Variants in TTBK2 observed in about 807,000 individuals in gnomAD.
TTBK2 encodes the protein tau tubulin kinase 2, also known as tau-tubulin kinase 2.
TTBK2 carries 28 observed loss-of-function variants against 110.8 expected under a neutral mutation model. The ratio of observed to expected loss-of-function variants is 0.25; its 90% confidence interval spans 0.19 to 0.35. The LOEUF (loss-of-function observed/expected upper bound fraction) is 0.35, where lower values mean the gene tolerates loss of function less well. TTBK2 is among the 10% of genes least tolerant of loss of function. The pLI is 1.00. For synonymous variants in TTBK2, 532 were observed against 527.3 expected, an observed-to-expected ratio of 1.01 and a Z score of -0.12; for missense variants, 1,369 against 1,500.3, an observed-to-expected ratio of 0.91 and a Z score of 1.45.
intron 9 of TTBK2, chr15:42,802,103 A>C (rs1567032790): frequency 1.6e-5 from 23 of 1,457,650 alleles, no homozygotes; most frequent in Non-Finnish European, 2.0e-5. Flanking sequence ...TCTATGAAGG[A>C]GAAAAACTTG....
At chr15:42,873,125 T>C in intron 2 of TTBK2, among the ~76,000 whole-genome samples, 1 of 152,128 alleles carries the variant, frequency 6.6e-6, no homozygotes. Flanking sequence ...GAAGACTTTT[T>C]AAACTTTTTA....
rs1370635155 is a variant in TTBK2 at position 42,763,121 on chromosome 15, C to CGTAT, written c.1999-9875_1999-9874insATAC. Among the ~76,000 whole-genome samples, 69 of 86,288 alleles carry CGTAT rather than the reference C, an allele frequency of 8.0e-4. 1 individual carries two copies. The highest frequency in any genetic ancestry group is 4.1e-3 in the African/African-American group (66 of 16,116). The allele number at this position is 86,288 out of a possible 152,430, so 56.6% of individuals were successfully genotyped here. On this transcript the variant is annotated intron_variant, in intron 13 of 14. Coordinates refer to ENST00000267890, the MANE Select transcript of TTBK2 (RefSeq NM_173500.4). ...ATATATACGTATATATATATATACACATATATATACATATATACATACATA... is the reference window on the plus strand; with the variant it reads ...ATATATACGTATATATATATATACACGTATATATATATACATATATACATACATA...
At chr15:42,790,137 G>C in intron 10 of TTBK2, among the ~76,000 whole-genome samples, 1 of 152,088 alleles carries the variant, frequency 6.6e-6, no homozygotes, top group East Asian at 1.9e-4. Flanking sequence ...AACTAAAAAT[G>C]TATAAAAGAC....
chr15:42,904,231 T>C (rs1331585679), intron 1 of TTBK2, among the ~76,000 whole-genome samples: 2 of 152,234 alleles, frequency 1.3e-5, no homozygotes, highest in African/African-American at 2.4e-5. Context: ...TAATTTGTTA[T>C]GCAGCAATAG....
intron 3 of TTBK2, among the ~76,000 whole-genome samples, chr15:42,863,920 C>G (rs997368016): frequency 6.6e-6 from 1 of 152,136 alleles, no homozygotes; most frequent in East Asian, 1.9e-4. Flanking sequence ...TCACCACATA[C>G]AAAAATTAAC....
intron 13 of TTBK2, among the ~76,000 whole-genome samples, chr15:42,758,501 C>T (rs1018360901): frequency 6.6e-6 from 1 of 151,708 alleles, no homozygotes. Context: ...ACTAAAAATA[C>T]AAAATTAGCC....
At chr15:42,861,010 C>G (rs779089808) in intron 3 of TTBK2, among the ~76,000 whole-genome samples, 3 of 152,004 alleles carry the variant, frequency 2.0e-5, no homozygotes, top group Non-Finnish European at 4.4e-5. Context: ...TCAAGAAGGA[C>G]AAAGAAGGGT....
chr15:42,919,187 A>C (rs1055713712), intron 1 of TTBK2, among the ~76,000 whole-genome samples: 7 of 152,222 alleles, frequency 4.6e-5, no homozygotes, highest in African/African-American at 1.7e-4. Flanking sequence ...ATCACAATAT[A>C]ACACACACAT....
chr15:42,781,500 T>C (rs1246425488), intron 11 of TTBK2, among the ~76,000 whole-genome samples: 1 of 152,198 alleles, frequency 6.6e-6, no homozygotes, highest in East Asian at 1.9e-4. Flanking sequence ...TCTTTCCTAA[T>C]GTAAGTATTT....
chr15:42,795,087 G>A (rs929853304), intron 9 of TTBK2, among the ~76,000 whole-genome samples: 1 of 152,166 alleles, frequency 6.6e-6, no homozygotes, highest in Non-Finnish European at 1.5e-5. Flanking sequence ...TGTGTGTTGT[G>A]TGTAAGTGTA....
At chr15:42,899,736 C>T (rs1185651109) in intron 1 of TTBK2, among the ~76,000 whole-genome samples, 1 of 149,048 alleles carries the variant, frequency 6.7e-6, no homozygotes, top group Admixed American at 6.7e-5. Context: ...AGACTCCATA[C>T]AAAAAAAGAA....
In TTBK2 at chr15:42,848,219, ATTC is replaced by A. The variant is rs201474532; in HGVS notation, c.218-7789_218-7787del. On this transcript the variant is annotated intron_variant, in intron 3 of 14. Coordinates refer to ENST00000267890, the MANE Select transcript of TTBK2 (RefSeq NM_173500.4). ...TATGTGATTTGATTTTTTTTCCAAC[ATTC>A]TTCTTCTTTTTCAACATTGTTTTGG... 7.9e-3 allele frequency among the ~76,000 whole-genome samples: 1,204 copies of A among 152,088 alleles called. 4 individuals carry two copies. Among genetic ancestry groups the A allele is most frequent in the Non-Finnish European group, 0.012 (785 of 67,952 alleles).
chr15:42,913,216 T>C (rs899129066), intron 1 of TTBK2, among the ~76,000 whole-genome samples: 1 of 151,652 alleles, frequency 6.6e-6, no homozygotes, highest in Non-Finnish European at 1.5e-5. Context: ...CATTTGCTGA[T>C]GGCAAAAGAA....
At position 42,840,374 on chromosome 15, in the gene TTBK2, C is replaced by T; in HGVS notation, c.277G>A (p.Val93Ile). ...AGGTAACCTACCTGCAACTGCATGA[C>T]CACATAGTTGAATCGATCATTCCTC... is the stretch of plus-strand genomic sequence containing the variant. ...CGRNDRFNYVVMQLQGRNLAD... is the reference protein window; with the variant it reads ...CGRNDRFNYVIMQLQGRNLAD... The change falls in exon 4 of 15, where the codon GTC (valine) becomes ATC (isoleucine). Residue 93 changes from valine (V) to isoleucine (I), a missense_variant. Around this residue, in one of 4 missense-constraint regions of TTBK2, gnomAD observed 122 missense variants for 159.7 expected, o/e 0.76. Coordinates refer to ENST00000267890, the MANE Select transcript of TTBK2 (RefSeq NM_173500.4). 1 of 1,613,922 alleles carries T rather than the reference C, an allele frequency of 6.2e-7. No homozygotes were observed. Among genetic ancestry groups the T allele is most frequent in the Non-Finnish European group, 8.5e-7 (1 of 1,179,890 alleles).
chr15:42,852,151 C>T (rs1046618783), intron 3 of TTBK2, among the ~76,000 whole-genome samples: 1 of 151,924 alleles, frequency 6.6e-6, no homozygotes, highest in Non-Finnish European at 1.5e-5. Flanking sequence ...CTCACTGCAA[C>T]CTCTGCCTCC....
At chr15:42,837,479 G>A (rs7171665) in intron 4 of TTBK2, among the ~76,000 whole-genome samples, 2,463 of 151,852 alleles carry the variant, frequency 0.016, 66 homozygotes, top group African/African-American at 0.056. Context: ...GCAAAATGGT[G>A]AAACCCAGTC....
chr15:42,918,595 A>G (rs1228595440), intron 1 of TTBK2, among the ~76,000 whole-genome samples: 5 of 152,210 alleles, frequency 3.3e-5, no homozygotes, highest in African/African-American at 1.2e-4. Context: ...TTTACTTTGA[A>G]AAACCAATAA....
chr15:42,791,855 G>A (rs1245879737), intron 10 of TTBK2, among the ~76,000 whole-genome samples: 5 of 152,138 alleles, frequency 3.3e-5, no homozygotes, highest in Non-Finnish European at 7.4e-5. Flanking sequence ...ACAATAGCTT[G>A]TGTAGGCTGG....
intron 7 of TTBK2, among the ~76,000 whole-genome samples, chr15:42,812,779 C>T (rs1891777713): frequency 6.6e-6 from 1 of 151,860 alleles, no homozygotes; most frequent in East Asian, 1.9e-4. Context: ...CAAACCAAAA[C>T]CCAACCAGAT....
Sources: gnomAD v4.1 joint callset for allele counts (sites outside exome capture counted in the v4.1 genomes callset) on GRCh38, gnomAD v4.1.1 for gene constraint, gnomAD v4.1.1 regional missense constraint, MANE v1.5 for transcripts, NCBI Gene and HGNC (gene_info 2026-07-23, HGNC 2026-07-21) for gene names.